The following PSG7 variants were observed in gnomAD, a reference collection of about 807,000 sequenced individuals.
PSG7 encodes the protein pregnancy specific beta-1-glycoprotein 7, also known as pregnancy-specific beta-1-glycoprotein 7.
A neutral mutation model predicts 45.6 loss-of-function variants in PSG7; 57 were observed. The observed-to-expected ratio is 1.25, with a 90% CI of 1.01 to 1.56. PSG7 has a LOEUF of 1.56. PSG7 is among the 40% of genes most tolerant of loss of function. The pLI, the probability that PSG7 is intolerant of heterozygous loss-of-function variation, is 0.00. For synonymous variants in PSG7, 298 were observed against 194.4 expected (o/e 1.53, Z -4.43); for missense variants, 796 against 508.4 (o/e 1.57, Z -5.44).
Position 42,935,476 on chromosome 19 carries a change from A to G in PSG7, c.358T>C (p.Tyr120His), listed in dbSNP as rs112354282. ...QNVTQEDTGS[Y>H]TLHIIKRGDG... ...CCTCGCTTTATGATGTGTAAAGTGT[A>G]GGATCCTGTGTCTTCCTGGGTGACA... is the stretch of plus-strand genomic sequence containing the variant. The change falls in exon 2 of 6, where the codon TAC becomes CAC. Residue 120 changes from tyrosine (Y) to histidine (H), a missense_variant. Transcript: ENST00000406070. The G allele has an allele frequency of 3.8e-3, 6,158 of 1,612,174 alleles. 330 individuals carry two copies. In the African/African-American group the frequency reaches 0.07, roughly 18 times the overall value.
Position 42,925,984 on chromosome 19 carries a change from G to T in PSG7, c.1032C>A (p.Tyr344Ter). Residue 344 changes from tyrosine (Y) to a stop codon, truncating the protein, a stop_gained, in exon 5 of 6, where the codon TAC (tyrosine) becomes TAA (stop). Coordinates refer to ENST00000406070, the MANE Select transcript of PSG7 (RefSeq NM_002783.3). LOFTEE classifies it high-confidence loss of function. ...ACAAGTAGAGGTTTTGTCCTGAATG[G>T]TAATAGGTGAATGAAGGGTAAATTC... ...LPRIYPSFTY[Y>*]HSGQNLYLSC... 1 of 1,612,122 alleles carries T rather than the reference G, an allele frequency of 6.2e-7. No individual in the cohort carries two copies. Among genetic ancestry groups the T allele is most frequent in the Non-Finnish European group, 8.5e-7 (1 of 1,179,090 alleles).
Position 42,935,365 on chromosome 19 carries a change from C to T in PSG7, c.430+39G>A, listed in dbSNP as rs782395920. 4.3e-6 allele frequency: 7 copies of T among 1,609,520 alleles called. No individual in the cohort carries two copies. In the African/African-American group the frequency reaches 9.4e-5, roughly 22 times the overall value. On this transcript the variant is annotated intron_variant, in intron 2 of 5. Transcript: ENST00000406070. ...TGTGTGTGTGAAGTAGAAATGACCC[C>T]TGCCCCCCAACACCCAGGGACCATG...
At position 42,925,887 on chromosome 19, in the gene PSG7, G is replaced by T; in HGVS notation, c.1129C>A (p.Gln377Lys). The change falls in exon 5 of 6, where the codon CAA (glutamine) becomes AAA (lysine). Residue 377 changes from glutamine (Q) to lysine (K), a missense_variant. Coordinates refer to ENST00000406070, the MANE Select transcript of PSG7 (RefSeq NM_002783.3). Reference sequence around the variant, plus strand: ...GTAATCTGGGGGATAGAAAGCTTTTGTCCTGATAGCTGAAACTTCCCATTA... The same window carrying T: ...GTAATCTGGGGGATAGAAAGCTTTTTTCCTGATAGCTGAAACTTCCCATTA... ...TINGKFQLSGQKLSIPQITTK... is the reference protein window; with the variant it reads ...TINGKFQLSGKKLSIPQITTK... The T allele has an allele frequency of 6.2e-7, 1 of 1,612,138 alleles. No individual in the cohort carries two copies. The highest frequency in any genetic ancestry group is 8.5e-7 in the Non-Finnish European group (1 of 1,179,114).
rs1479959147 is a variant in PSG7, at chr19:42,935,997, A to AC, written c.65-229dup. On this transcript the variant is annotated intron_variant, in intron 1 of 5. Transcript: ENST00000406070. ...CTACTAGGTCAAGGTCAGCAGCATG[A>AC]CCCCCATTCCTTCAACACTCCTGAC... Among the ~76,000 whole-genome samples, 29 of 149,618 alleles carry AC rather than the reference A, an allele frequency of 1.9e-4. 1 individual carries two copies. Among genetic ancestry groups the AC allele is most frequent in the Admixed American group, 1.3e-3 (20 of 14,910 alleles).
At chr19:42,936,961 C>T in intron 1 of PSG7, 52 bp downstream of exon 1, 2 of 1,602,342 alleles carry the variant, frequency 1.2e-6, no homozygotes. Flanking sequence ...GAGACCCCAT[C>T]CAGTCACTCT....
chr19:42,928,233 A>C (rs769787320), intron 3 of PSG7, among the ~76,000 whole-genome samples: 2 of 151,566 alleles, frequency 1.3e-5, no homozygotes, highest in Admixed American at 6.6e-5. Flanking sequence ...TCATGGTTGC[A>C]TCTTTTTCTC....
chr19:42,928,695 C>T (rs1972947795), intron 3 of PSG7, among the ~76,000 whole-genome samples: 1 of 151,142 alleles, frequency 6.6e-6, no homozygotes, highest in Non-Finnish European at 1.5e-5. Flanking sequence ...TTTGATTTTC[C>T]CTCTCCCTCT....
intron 2 of PSG7, among the ~76,000 whole-genome samples, chr19:42,934,694 ATCT>A (rs972064054): frequency 4.6e-5 from 7 of 151,606 alleles, no homozygotes; most frequent in Admixed American, 4.6e-4. Context: ...TACCTGGTAC[ATCT>A]TCTCTCTTCT....
At chr19:42,933,301 ATATATATT>A (rs1353416035) in intron 2 of PSG7, among the ~76,000 whole-genome samples, 5 of 14,648 alleles carry the variant, frequency 3.4e-4, no homozygotes, top group South Asian at 4.7e-3. Context: ...ATATATATAT[ATATATATT>A]TTTTTTTTTT....
At chr19:42,931,537 A>G (rs1487790277) in intron 2 of PSG7, among the ~76,000 whole-genome samples, 2 of 151,630 alleles carry the variant, frequency 1.3e-5, no homozygotes, top group Non-Finnish European at 2.9e-5. Context: ...ACCCCAAAAC[A>G]GGTATGTGAA....
chr19:42,934,009 T>C (rs1356072030), intron 2 of PSG7, among the ~76,000 whole-genome samples: 2 of 151,460 alleles, frequency 1.3e-5, no homozygotes, highest in African/African-American at 4.9e-5. Context: ...GGATCAGTCA[T>C]TTCTGCATTC....
At chr19:42,933,307 A>ATATATATATATTTTTT (rs56691588) in intron 2 of PSG7, among the ~76,000 whole-genome samples, 8 of 13,504 alleles carry the variant, frequency 5.9e-4, no homozygotes, top group Admixed American at 1.6e-3. Context: ...ATATATATAT[A>ATATATATATATTTTTT]TTTTTTTTTT....
intron 2 of PSG7, among the ~76,000 whole-genome samples, chr19:42,932,241 TC>T (rs1293021886): frequency 1.3e-5 from 2 of 151,408 alleles, no homozygotes; most frequent in Non-Finnish European, 2.9e-5. Flanking sequence ...GCCAGGATGG[TC>T]TGTATCTCCT....
In PSG7 at chr19:42,924,615, C is replaced by T. The variant is rs1972486239; in HGVS notation, c.*193G>A. On this transcript the variant is annotated 3_prime_UTR_variant, in exon 6 of 6. Transcript: ENST00000406070. ...GTCATCAACTTGTTTTCCTTGTTTA[C>T]AGTTTGAGCAGCTGTTGTTATGGTG... The T allele has an allele frequency of 1.5e-6, 1 of 652,108 alleles. No homozygotes were observed. Among genetic ancestry groups the T allele is most frequent in the African/African-American group, 1.8e-5 (1 of 55,038 alleles). The allele number at this position is 652,108 out of a possible 1,614,324, so 40.4% of individuals were successfully genotyped here.
In PSG7 at chr19:42,924,637, G is replaced by A; in HGVS notation, c.*171C>T. 2 of 697,364 alleles carry A rather than the reference G, an allele frequency of 2.9e-6. No homozygotes were observed. The highest frequency in any genetic ancestry group is 5.2e-6 in the Non-Finnish European group (2 of 386,198). 43.2% of individuals were successfully genotyped at this position (697,364 alleles called of 1,614,324 possible). A position where few individuals can be genotyped will look rare whatever the true frequency, so the allele number is the denominator to read the frequency against. On this transcript the variant is annotated 3_prime_UTR_variant, in exon 6 of 6. Transcript: ENST00000406070. ...TTACAGTTTGAGCAGCTGTTGTTAT[G>A]GTGTTGAACATTTTGGTGAGTTCTG...
At position 42,924,459 on chromosome 19, in the gene PSG7, A is replaced by G. The variant is rs952347155; in HGVS notation, c.*349T>C. Reference sequence around the variant, plus strand: ...CAGAAGCTCCTATACTACATGTGAAATTCTAATGACTGCATTATCCTGCCA... The same window carrying G: ...CAGAAGCTCCTATACTACATGTGAAGTTCTAATGACTGCATTATCCTGCCA... On this transcript the variant is annotated 3_prime_UTR_variant, in exon 6 of 6. Transcript: ENST00000406070. The G allele has an allele frequency of 5.6e-5, 30 of 535,024 alleles. 1 individual carries two copies. Among genetic ancestry groups the G allele is most frequent in the Non-Finnish European group, 8.5e-5 (26 of 305,796 alleles). 33.1% of individuals were successfully genotyped at this position (535,024 alleles called of 1,614,324 possible).
intron 4 of PSG7, 192 bp downstream of exon 4, chr19:42,926,246 C>G (rs1434477605): frequency 1.1e-5 from 16 of 1,396,172 alleles, no homozygotes; most frequent in African/African-American, 1.5e-5. Flanking sequence ...GTCCACTCCC[C>G]TTATATTCTT....
intron 2 of PSG7, among the ~76,000 whole-genome samples, chr19:42,932,364 C>T (rs192454428): frequency 1.3e-5 from 2 of 151,608 alleles, no homozygotes; most frequent in South Asian, 2.1e-4. Flanking sequence ...GTTTGTTCAG[C>T]GTTTTACTTA....
chr19:42,931,977 T>G (rs1220955865), intron 2 of PSG7, among the ~76,000 whole-genome samples: 1 of 151,630 alleles, frequency 6.6e-6, no homozygotes, highest in Non-Finnish European at 1.5e-5. Context: ...TTTCCACAGC[T>G]GTGTGCAGTC....
Sources: allele counts gnomAD v4.1 joint callset (sites outside exome capture counted in the v4.1 genomes callset), GRCh38; gene constraint gnomAD v4.1.1; transcripts MANE v1.5; gene names NCBI Gene and HGNC (gene_info 2026-07-23, HGNC 2026-07-21).